The following ZNRF1 variants were observed in gnomAD, a reference collection of about 807,000 sequenced individuals.
ZNRF1 encodes zinc and ring finger 1.
ZNRF1 carries 3 observed loss-of-function variants against 18.4 expected under a neutral mutation model. The ratio of observed to expected loss-of-function variants is 0.16; its 90% CI spans 0.07 to 0.42. The LOEUF is 0.42. Among genes scored for constraint, ZNRF1 ranks in the 10% least tolerant of loss-of-function variants. The pLI is 0.99. For missense variants in ZNRF1, 310 were observed against 329.8 expected (o/e 0.94, Z 0.47); for synonymous variants, 157 against 144.2 (o/e 1.09, Z -0.64).
intron 2 of ZNRF1, 125 bp from the exon 3 acceptor site, chr16:75,104,659 C>A: frequency 1.4e-6 from 1 of 728,088 alleles, no homozygotes; most frequent in Non-Finnish European, 2.3e-6. Flanking sequence ...GTTCTGTGTC[C>A]CCTGCAGAGC....
intron 2 of ZNRF1, among the ~76,000 whole-genome samples, chr16:75,094,450 G>T (rs991170072): frequency 6.6e-6 from 1 of 152,216 alleles, no homozygotes; most frequent in Non-Finnish European, 1.5e-5. Flanking sequence ...TGGAGTCCAG[G>T]TGATGGGAGT....
chr16:75,048,226 C>G (rs1459171923), intron 1 of ZNRF1, among the ~76,000 whole-genome samples: 1 of 152,180 alleles, frequency 6.6e-6, no homozygotes, highest in Non-Finnish European at 1.5e-5. Flanking sequence ...GCTGGGATTA[C>G]AGACATGAGT....
At chr16:75,086,657 ATTAGT>A (rs545948092) in intron 1 of ZNRF1, among the ~76,000 whole-genome samples, 18 of 152,328 alleles carry the variant, frequency 1.2e-4, no homozygotes, top group African/African-American at 4.3e-4. Flanking sequence ...ATTTATGAAA[ATTAGT>A]TTATTCAAGT....
intron 1 of ZNRF1, among the ~76,000 whole-genome samples, chr16:75,023,876 C>CTT (rs565608727): frequency 7.0e-6 from 1 of 142,530 alleles, no homozygotes; most frequent in East Asian, 2.0e-4. Context: ...ATTTTATTTT[C>CTT]TTTTTTTTTT....
intron 1 of ZNRF1, among the ~76,000 whole-genome samples, chr16:75,016,838 GC>G (rs35147861): frequency 0.8 from 121,932 of 151,812 alleles, 51,593 homozygotes; most frequent in Non-Finnish European, 0.93. Flanking sequence ...AGCCACCGCG[GC>G]CGGCCTACTG....
chr16:75,107,014 C>T (rs911661581), intron 4 of ZNRF1: 1 of 182,364 alleles, frequency 5.5e-6, no homozygotes, highest in East Asian at 1.4e-4. Flanking sequence ...ACTTACTAAA[C>T]AGCCATGGGC....
chr16:75,078,296 CTTTTTT>C (rs36075131), intron 1 of ZNRF1, among the ~76,000 whole-genome samples: 9 of 113,126 alleles, frequency 8.0e-5, no homozygotes, highest in African/African-American at 3.4e-4. Flanking sequence ...TCTTTCTTTC[CTTTTTT>C]TTTTTTTTTT....
chr16:75,106,764 A>G, intron 4 of ZNRF1, 193 bp downstream of exon 4: 1 of 557,204 alleles, frequency 1.8e-6, no homozygotes, highest in Non-Finnish European at 3.2e-6. Flanking sequence ...GATACAAACC[A>G]ACATGGACAG....
chr16:75,059,968 C>T (rs2035721422), intron 1 of ZNRF1, among the ~76,000 whole-genome samples: 1 of 152,162 alleles, frequency 6.6e-6, no homozygotes, highest in African/African-American at 2.4e-5. Context: ...TTATTTGGTA[C>T]AGCCCAGGAT....
intron 1 of ZNRF1, among the ~76,000 whole-genome samples, chr16:75,063,475 GC>G (rs2035766627): frequency 6.6e-6 from 1 of 152,184 alleles, no homozygotes; most frequent in Admixed American, 6.5e-5. Flanking sequence ...CATCCAGGGT[GC>G]TGCATTCAGT....
At chr16:75,075,365 C>T (rs111603803) in intron 1 of ZNRF1, among the ~76,000 whole-genome samples, 10 of 152,384 alleles carry the variant, frequency 6.6e-5, no homozygotes, top group African/African-American at 2.4e-4. Flanking sequence ...CACCCCTTAT[C>T]GGAACTGCGG....
intron 1 of ZNRF1, among the ~76,000 whole-genome samples, chr16:75,092,351 C>T (rs2036149902): frequency 6.6e-6 from 1 of 152,018 alleles, no homozygotes; most frequent in South Asian, 2.1e-4. Context: ...ACCATTCGAG[C>T]CCATGTTGTT....
chr16:75,049,251 C>T (rs781313754), intron 1 of ZNRF1, among the ~76,000 whole-genome samples: 106 of 152,146 alleles, frequency 7.0e-4, no homozygotes, highest in Non-Finnish European at 1.3e-3. Context: ...GTGATCTGCC[C>T]GCTTTGGCCC....
rs1597848093 is a variant in ZNRF1, at chr16:74,999,998, T to G, written c.327T>G (p.Gly109=). Residue 109 remains glycine, a synonymous_variant, in exon 1 of 5, where the codon GGT becomes GGG. Coordinates refer to ENST00000335325, the MANE Select transcript of ZNRF1 (RefSeq NM_032268.5). ...HGNGYQETGG[G]HHRDGMLYLG... is the part of the protein sequence containing the mutation. Reference sequence around the variant, plus strand: ...ATGGTTACCAGGAGACGGGCGGCGGTCACCATAGAGACGGGATGCTGTACC... The same window carrying G: ...ATGGTTACCAGGAGACGGGCGGCGGGCACCATAGAGACGGGATGCTGTACC... 1 of 1,587,942 alleles carries G rather than the reference T, an allele frequency of 6.3e-7. No homozygotes were observed. Among genetic ancestry groups the G allele is most frequent in the Non-Finnish European group, 8.6e-7 (1 of 1,168,408 alleles).
chr16:75,072,371 G>T (rs1475367233), intron 1 of ZNRF1, among the ~76,000 whole-genome samples: 1 of 152,128 alleles, frequency 6.6e-6, no homozygotes, highest in African/African-American at 2.4e-5. Context: ...GGCAGTGCAG[G>T]CCCCACTCCT....
At position 75,092,400 on chromosome 16, in the gene ZNRF1, T is replaced by A. The variant is rs1012029322; in HGVS notation, c.425-1172T>A. ...TTGTTAAATGTGCCACATTAGGAAG[T>A]CCAGGCTGGGCGGGCAGGAATCACA... On this transcript the variant is annotated intron_variant, in intron 1 of 4. Coordinates refer to ENST00000335325, the MANE Select transcript of ZNRF1 (RefSeq NM_032268.5). Among the ~76,000 whole-genome samples the A allele has an allele frequency of 3.3e-5, 5 of 152,080 alleles. No individual in the cohort carries two copies. The South Asian group carries it at 8.3e-4, about 25-fold the overall frequency.
chr16:75,049,705 C>T (rs773525302), intron 1 of ZNRF1, among the ~76,000 whole-genome samples: 3 of 152,170 alleles, frequency 2.0e-5, no homozygotes, highest in South Asian at 4.1e-4. Context: ...CAGAGTGGTC[C>T]TTTGTACCTT....
At chr16:75,067,267 G>A (rs780730912) in intron 1 of ZNRF1, among the ~76,000 whole-genome samples, 31 of 152,190 alleles carry the variant, frequency 2.0e-4, no homozygotes, top group Non-Finnish European at 3.2e-4. Context: ...CTTTCTGACT[G>A]CCCCTTGGAA....
chr16:75,108,055 C>T lies in ZNRF1; in HGVS notation c.*355C>T. The stretch of plus-strand genomic sequence containing the variant: ...TCTAGTGTCGACTGGTGTTTTCCCT[C>T]GTGATGTTTACAGCTTGCTGTTTGC... On this transcript the variant is annotated 3_prime_UTR_variant, in exon 5 of 5. Transcript: ENST00000335325. 3.3e-6 allele frequency: 1 copy of T among 303,258 alleles called. No individual in the cohort carries two copies. Among genetic ancestry groups the T allele is most frequent in the Non-Finnish European group, 6.5e-6 (1 of 154,750 alleles). The allele number at this position is 303,258 out of a possible 1,614,324, so 18.8% of individuals were successfully genotyped here.
Sources: gnomAD v4.1 joint callset for allele counts (sites outside exome capture counted in the v4.1 genomes callset) on GRCh38, gnomAD v4.1.1 for gene constraint, MANE v1.5 for transcripts, NCBI Gene and HGNC (gene_info 2026-07-23, HGNC 2026-07-21) for gene names.